The following VPS53 variants were observed in gnomAD, a reference collection of about 807,000 sequenced individuals.
The protein encoded by VPS53 is vacuolar protein sorting-associated protein 53 homolog.
A neutral mutation model predicts 107.0 loss-of-function variants in VPS53; 70 were observed. The ratio of observed to expected loss-of-function variants is 0.65; its 90% CI spans 0.54 to 0.80. VPS53 has a LOEUF of 0.80. Among genes scored for constraint, VPS53 ranks in the 30% least tolerant of loss-of-function variants. The pLI is 0.00. For missense variants in VPS53, 917 were observed against 1,049.4 expected (o/e 0.87, Z 1.74); for synonymous variants, 409 against 393.3 (o/e 1.04, Z -0.47).
At chr17:584,346 T>A (rs1025599125) in intron 13 of VPS53, among the ~76,000 whole-genome samples, 1 of 152,146 alleles carries the variant, frequency 6.6e-6, no homozygotes, top group African/African-American at 2.4e-5. Context: ...CCTTTTCTAA[T>A]GCCCCCTCAC....
rs1157786488 is a variant in VPS53, at chr17:521,679, C to A, written c.2145G>T (p.Ser715=). The A allele has an allele frequency of 2.6e-6, 4 of 1,550,256 alleles. No individual in the cohort carries two copies. The highest frequency in any genetic ancestry group is 2.0e-5 in the Admixed American group (1 of 50,890). Residue 715 remains serine, a synonymous_variant, in exon 20 of 22, where the codon TCG becomes TCT. Transcript: ENST00000437048. ...MVLLDLPSIS[S]QVVRKAPASY... ...TGGCGGGTGCCTTCCTCACCACCTG[C>A]GAGCTGATGGAGGGGAGATCGAGCA...
At chr17:544,005 G>C (rs1285228653) in intron 17 of VPS53, among the ~76,000 whole-genome samples, 1 of 121,950 alleles carries the variant, frequency 8.2e-6, no homozygotes, top group African/African-American at 3.9e-5. Context: ...AAGGGAGGGA[G>C]GGAGGGAGTG....
intron 15 of VPS53, among the ~76,000 whole-genome samples, chr17:553,793 C>T (rs776720319): frequency 2.8e-4 from 43 of 152,280 alleles, no homozygotes; most frequent in Non-Finnish European, 4.9e-4. Flanking sequence ...CGGTCTCAAA[C>T]TCCCAACCTC....
At position 661,633 on chromosome 17, in the gene VPS53, C is replaced by T. The variant is rs58184664; in HGVS notation, c.372+176G>A. Among the ~76,000 whole-genome samples the T allele has an allele frequency of 6.8e-3, 1,034 of 152,174 alleles. 15 individuals are homozygous for T. The highest frequency in any genetic ancestry group is 0.024 in the African/African-American group (989 of 41,538). ...GCAGAGATGGTGAGCCACCACTGAC[C>T]AGCAGCTCCCCTTGAATTGATCTGA... On this transcript the variant is annotated intron_variant, in intron 5 of 21. Coordinates refer to ENST00000437048, the MANE Select transcript of VPS53 (RefSeq NM_001128159.3).
chr17:568,569 T>C (rs1390025615), intron 13 of VPS53, among the ~76,000 whole-genome samples: 2 of 152,136 alleles, frequency 1.3e-5, no homozygotes, highest in Non-Finnish European at 2.9e-5. Flanking sequence ...AATTCAAGGG[T>C]ACTCCCACTA....
intron 11 of VPS53, among the ~76,000 whole-genome samples, chr17:604,109 T>C (rs1296824809): frequency 6.6e-6 from 1 of 152,232 alleles, no homozygotes; most frequent in Non-Finnish European, 1.5e-5. Flanking sequence ...TTGCTAAGTC[T>C]ATTGGGTTGA....
At chr17:688,941 T>A (rs926288120) in intron 4 of VPS53, among the ~76,000 whole-genome samples, 50 of 151,940 alleles carry the variant, frequency 3.3e-4, no homozygotes, top group Non-Finnish European at 6.8e-4. Context: ...ACGCAAAAAA[T>A]AATAACAGAA....
At chr17:596,604 G>A (rs907273525) in intron 12 of VPS53, among the ~76,000 whole-genome samples, 2 of 152,346 alleles carry the variant, frequency 1.3e-5, no homozygotes, top group East Asian at 3.9e-4. Context: ...TGAAGCAAGA[G>A]AGGAATAATG....
chr17:578,131 C>A (rs1196063587), intron 13 of VPS53, among the ~76,000 whole-genome samples: 1 of 148,564 alleles, frequency 6.7e-6, no homozygotes, highest in Non-Finnish European at 1.5e-5. Context: ...CCTTCCTAAG[C>A]AGGTAATTCT....
chr17:592,254 C>T (rs1332327486), intron 12 of VPS53, among the ~76,000 whole-genome samples: 1 of 152,184 alleles, frequency 6.6e-6, no homozygotes, highest in Non-Finnish European at 1.5e-5. Context: ...AGATCTTCCT[C>T]CATCCTTTCA....
Position 586,286 on chromosome 17 carries a change from T to C in VPS53, c.1297A>G (p.Ile433Val), listed in dbSNP as rs1356824528. 5 of 1,613,972 alleles carry C rather than the reference T, an allele frequency of 3.1e-6. No homozygotes were observed. The highest frequency in any genetic ancestry group is 2.2e-5 in the South Asian group (2 of 91,080). ...KCFEPHLYVY[I>V]ESQDKNLGEL... ...CTCACTCACTTGTCTTGGGATTCGATATACACGTAGAGATGAGGCTCAAAA... is the reference window on the plus strand; with the variant it reads ...CTCACTCACTTGTCTTGGGATTCGACATACACGTAGAGATGAGGCTCAAAA... The change falls in exon 13 of 22, where the codon ATC (isoleucine) becomes GTC (valine). Residue 433 changes from isoleucine (I) to valine (V), a missense_variant. By Grantham distance (29) the Ile-to-Val change is conservative. Coordinates refer to ENST00000437048, the MANE Select transcript of VPS53 (RefSeq NM_001128159.3).
In VPS53 at chr17:634,249, G is replaced by A. The variant is rs562053664; in HGVS notation, c.609-2621C>T. On this transcript the variant is annotated intron_variant, in intron 7 of 21. Transcript: ENST00000437048. ...GAATTCTTGGTGACTCTGGAACTGAGGTGGCAGAAAGGAGAACCAGAGCCT... is the reference window on the plus strand; with the variant it reads ...GAATTCTTGGTGACTCTGGAACTGAAGTGGCAGAAAGGAGAACCAGAGCCT... Among the ~76,000 whole-genome samples, 3 of 152,158 alleles carry A rather than the reference G, an allele frequency of 2.0e-5. No individual in the cohort carries two copies. The East Asian group carries it at 5.8e-4, about 29-fold the overall frequency.
chr17:570,274 G>T (rs915777862), intron 13 of VPS53, among the ~76,000 whole-genome samples: 2 of 150,458 alleles, frequency 1.3e-5, no homozygotes, highest in Admixed American at 1.3e-4. Context: ...GGAGGCTGAG[G>T]CAGGAGAATT....
chr17:693,834 C>G (rs1446370463), intron 4 of VPS53, among the ~76,000 whole-genome samples: 3 of 152,114 alleles, frequency 2.0e-5, no homozygotes, highest in Non-Finnish European at 4.4e-5. Flanking sequence ...ATATGCCACT[C>G]CCTTCTGAGT....
In VPS53 at chr17:519,286, T is replaced by C; in HGVS notation, c.2341A>G (p.Ser781Gly). ...KILDMKGLKR[S>G]EQSSMLELLR... ...AGTTCCAGCATGCTGCTCTGCTCAC[T>C]CCTCTTCAGCCCCTGAGGTTGAGAG... Residue 781 changes from serine (S) to glycine (G), a missense_variant, in exon 22 of 22, where the codon AGT (serine) becomes GGT (glycine). Transcript: ENST00000437048. The surrounding 1 kb of genome is among the most constrained non-coding windows in gnomAD (Gnocchi z 5.0). 3 of 1,498,400 alleles carry C rather than the reference T, an allele frequency of 2.0e-6. No individual in the cohort carries two copies. Among genetic ancestry groups the C allele is most frequent in the Non-Finnish European group, 2.7e-6 (3 of 1,124,288 alleles). 92.8% of individuals were successfully genotyped at this position (1,498,400 alleles called of 1,614,324 possible).
At chr17:678,035 T>A (rs1389446514) in intron 4 of VPS53, among the ~76,000 whole-genome samples, 1 of 151,586 alleles carries the variant, frequency 6.6e-6, no homozygotes, top group Non-Finnish European at 1.5e-5. Flanking sequence ...GTGGGAGGAT[T>A]ACTTGAGCCT....
At chr17:674,097 G>T (rs1972065573) in intron 4 of VPS53, 1 of 152,188 alleles carries the variant, frequency 6.6e-6, no homozygotes, top group South Asian at 2.1e-4. Context: ...AACCCCGGAG[G>T]ATGAGAGCAT....
intron 13 of VPS53, among the ~76,000 whole-genome samples, chr17:571,403 G>C (rs188494743): frequency 1.4e-4 from 21 of 152,224 alleles, no homozygotes; most frequent in African/African-American, 4.8e-4. Context: ...CTATACAAGG[G>C]CTCTTTGTAT....
At chr17:547,663 A>G (rs965792500) in intron 17 of VPS53, among the ~76,000 whole-genome samples, 1 of 152,176 alleles carries the variant, frequency 6.6e-6, no homozygotes, top group Non-Finnish European at 1.5e-5. Flanking sequence ...TATAAAATAG[A>G]GTCTCACTCT....
Sources: allele counts gnomAD v4.1 joint callset (sites outside exome capture counted in the v4.1 genomes callset), GRCh38; gene constraint gnomAD v4.1.1; non-coding constraint Gnocchi (gnomAD v3.1); transcripts MANE v1.5; gene names NCBI Gene and HGNC (gene_info 2026-07-23, HGNC 2026-07-21).